Variants in KCNA2 observed in about 807,000 individuals in gnomAD.
KCNA2 encodes the protein potassium channel, voltage gated shaker related subfamily A, member 2.
A neutral mutation model predicts 33.4 loss-of-function variants in KCNA2; 11 were observed. That is an observed-to-expected ratio of 0.33 (90% CI 0.21 to 0.55). The LOEUF (loss-of-function observed/expected upper bound fraction) is 0.55, where lower values mean the gene tolerates loss of function less well. Among genes scored for constraint, KCNA2 ranks in the 20% least tolerant of loss-of-function variants. KCNA2 has a pLI of 0.93. For missense variants in KCNA2, 291 were observed against 621.6 expected (o/e 0.47, Z 5.66); for synonymous variants, 222 against 231.3 (o/e 0.96, Z 0.37).
In KCNA2 at chr1:110,596,670, GA is replaced by G; in HGVS notation, c.*6612del. The G allele has an allele frequency of 2.2e-6, 2 of 924,776 alleles. No homozygotes were observed. Among genetic ancestry groups the G allele is most frequent in the Non-Finnish European group, 2.6e-6 (2 of 774,786 alleles). The allele number at this position is 924,776 out of a possible 1,614,324, so 57.3% of individuals were successfully genotyped here. The stretch of plus-strand genomic sequence containing the variant: ...CAAACACTCTACTTAACTAAGGCAG[GA>G]AAGTTATGCTAACCTACTTAGGAAA... On this transcript the variant is annotated 3_prime_UTR_variant, in exon 3 of 3. Coordinates refer to ENST00000316361, the MANE Select transcript of KCNA2 (RefSeq NM_004974.4).
rs1570745513 is a variant in KCNA2, at chr1:110,596,316, G to T, written c.*6967C>A. 1 of 612,354 alleles carries T rather than the reference G, an allele frequency of 1.6e-6. No individual in the cohort carries two copies. Among genetic ancestry groups the T allele is most frequent in the Non-Finnish European group, 2.0e-6 (1 of 491,212 alleles). The allele number at this position is 612,354 out of a possible 1,614,324, so 37.9% of individuals were successfully genotyped here. On this transcript the variant is annotated 3_prime_UTR_variant, in exon 3 of 3. Transcript: ENST00000316361. Reference sequence around the variant, plus strand: ...TGTATAATTCTATAATTTAAAAATAGTATACATATATACATATACTATATA... The same window carrying T: ...TGTATAATTCTATAATTTAAAAATATTATACATATATACATATACTATATA...
rs1570748793 is a variant in KCNA2 at position 110,599,605 on chromosome 1, T to C, written c.*3678A>G. The C allele has an allele frequency of 3.0e-6, 3 of 985,460 alleles. No homozygotes were observed. The highest frequency in any genetic ancestry group is 4.7e-5 in the South Asian group (1 of 21,292). 61.0% of individuals were successfully genotyped at this position (985,460 alleles called of 1,614,324 possible). On this transcript the variant is annotated 3_prime_UTR_variant, in exon 3 of 3. Coordinates refer to ENST00000316361, the MANE Select transcript of KCNA2 (RefSeq NM_004974.4). ...GCTCATTTTAAGAGACAGGTCTCTA[T>C]AGGGTCTCAACTTCCTGACCGTGCC...
upstream of KCNA2, chr1:110,606,607 T>A (rs1649640528): frequency 6.6e-6 from 1 of 152,314 alleles, no homozygotes; most frequent in African/African-American, 2.4e-5. Flanking sequence ...CTTAACCCCC[T>A]CCTGCCCGCG....
intron 1 of KCNA2, among the ~76,000 whole-genome samples, chr1:110,629,314 T>C (rs1650485878): frequency 6.6e-6 from 1 of 152,170 alleles, no homozygotes; most frequent in Admixed American, 6.5e-5. Context: ...CCAATGGATA[T>C]GAAAGTTTGG....
chr1:110,609,728 A>T (rs1312661686), upstream of KCNA2, among the ~76,000 whole-genome samples: 2 of 152,218 alleles, frequency 1.3e-5, no homozygotes, highest in Non-Finnish European at 2.9e-5. Context: ...GAAGGGGGAA[A>T]AAAAAGAACC....
chr1:110,600,513 T>C lies in KCNA2; in HGVS notation c.*2770A>G. The C allele has an allele frequency of 1.0e-6, 1 of 985,312 alleles. No individual in the cohort carries two copies. Among genetic ancestry groups the C allele is most frequent in the Non-Finnish European group, 1.2e-6 (1 of 829,876 alleles). 61.0% of individuals were successfully genotyped at this position (985,312 alleles called of 1,614,324 possible). On this transcript the variant is annotated 3_prime_UTR_variant, in exon 3 of 3. Transcript: ENST00000316361. The stretch of plus-strand genomic sequence containing the variant: ...ATAACCATATATCTTCTGTGTTTGC[T>C]TTTATGTTAACCTGGTCTGTCTGTA...
intron 1 of KCNA2, among the ~76,000 whole-genome samples, chr1:110,614,525 G>A (rs1025905036): frequency 6.6e-6 from 1 of 152,194 alleles, no homozygotes; most frequent in Non-Finnish European, 1.5e-5. Flanking sequence ...AGAAAAACAA[G>A]AAGCAAGTTG....
upstream of KCNA2, among the ~76,000 whole-genome samples, chr1:110,610,795 T>C (rs1649838013): frequency 6.6e-6 from 1 of 152,078 alleles, no homozygotes; most frequent in South Asian, 2.1e-4. Context: ...GTGCTGGTGA[T>C]TAACTGTTCA....
intron 1 of KCNA2, among the ~76,000 whole-genome samples, chr1:110,628,441 G>A (rs765941038): frequency 6.6e-6 from 1 of 152,120 alleles, no homozygotes; most frequent in Non-Finnish European, 1.5e-5. Context: ...ACCATCCTCC[G>A]TATTCCACTG....
rs1012822737 is a variant in KCNA2, at chr1:110,598,395, G to C, written c.*4888C>G. ...GCACACTGTTCTATAGTTTCCTTAG[G>C]GGGGAGTCAGCCTCTGTGACTCTAC... is the stretch of plus-strand genomic sequence containing the variant. On this transcript the variant is annotated 3_prime_UTR_variant, in exon 3 of 3. Transcript: ENST00000316361. The C allele has an allele frequency of 1.0e-4, 103 of 985,222 alleles. No homozygotes were observed. Among genetic ancestry groups the C allele is most frequent in the Non-Finnish European group, 1.1e-4 (93 of 829,932 alleles). The allele number at this position is 985,222 out of a possible 1,614,324, so 61.0% of individuals were successfully genotyped here. A position where few individuals can be genotyped will look rare whatever the true frequency, so the allele number is the denominator to read the frequency against.
In KCNA2 at chr1:110,604,548, C is replaced by T. The variant is rs747844549; in HGVS notation, c.235G>A (p.Asp79Asn). 3 of 1,614,142 alleles carry T rather than the reference C, an allele frequency of 1.9e-6. No individual in the cohort carries two copies. Among genetic ancestry groups the T allele is most frequent in the African/African-American group, 2.7e-5 (2 of 75,046 alleles). The change falls in exon 3 of 3, where the codon GAT (aspartate) becomes AAT (asparagine). Residue 79 changes from aspartate to asparagine, a missense_variant. Physicochemically the swap from Asp to Asn is conservative, Grantham distance 23. Coordinates refer to ENST00000316361, the MANE Select transcript of KCNA2 (RefSeq NM_004974.4). This position sits in a 1 kb window ranked among gnomAD's most constrained non-coding sequence, Gnocchi z 7.6. ...GCATCAAAGCTAGGGCGGTTCCGAT[C>T]GAAAAAGTACTCATTTCGGAGGGGG... ...FDPLRNEYFF[D>N]RNRPSFDAIL...
Position 110,595,841 on chromosome 1 carries a change from T to G in KCNA2, c.*7442A>C. On this transcript the variant is annotated 3_prime_UTR_variant, in exon 3 of 3. Transcript: ENST00000316361. ...TGTGCTTTAGTTCTTCATTGGAATG[T>G]TACTTTCAGATCTCACAAACCTCAA... 3 of 985,442 alleles carry G rather than the reference T, an allele frequency of 3.0e-6. No individual in the cohort carries two copies. Among genetic ancestry groups the G allele is most frequent in the Non-Finnish European group, 3.6e-6 (3 of 829,934 alleles). 61.0% of individuals were successfully genotyped at this position (985,442 alleles called of 1,614,324 possible).
chr1:110,610,337 C>T (rs1212874530), upstream of KCNA2, among the ~76,000 whole-genome samples: 1 of 152,216 alleles, frequency 6.6e-6, no homozygotes, highest in Admixed American at 6.5e-5. Context: ...TCAGGTGTCA[C>T]TCCCAGGGAA....
In KCNA2 at chr1:110,603,855, G is replaced by A. The variant is rs1342073847; in HGVS notation, c.928C>T (p.His310Tyr). 6.2e-7 allele frequency: 1 copy of A among 1,614,082 alleles called. No individual in the cohort carries two copies. ...RVFRIFKLSR[H>Y]SKGLQILGQT... is the part of the protein sequence containing the mutation. Reference sequence around the variant, plus strand: ...CCTAGAATCTGGAGACCTTTGGAGTGTCTGGACAACTTGAAAATCCTAAAG... The same window carrying A: ...CCTAGAATCTGGAGACCTTTGGAGTATCTGGACAACTTGAAAATCCTAAAG... The change falls in exon 3 of 3, where the codon CAC (histidine) becomes TAC (tyrosine). Residue 310 changes from histidine (H) to tyrosine (Y), a missense_variant. This residue lies in a region of KCNA2 where 43 missense variants were observed against 159.4 expected (regional missense o/e 0.27). Transcript: ENST00000316361. This position sits in a 1 kb window ranked among gnomAD's most constrained non-coding sequence, Gnocchi z 5.7.
rs893125828 is a variant in KCNA2, at chr1:110,600,454, A to C, written c.*2829T>G. Reference sequence around the variant, plus strand: ...TTTGTGTATGTTCTGTGTAAATTCTATATCTGTGCAGAGTGTGCATTTTAT... The same window carrying C: ...TTTGTGTATGTTCTGTGTAAATTCTCTATCTGTGCAGAGTGTGCATTTTAT... On this transcript the variant is annotated 3_prime_UTR_variant, in exon 3 of 3. Coordinates refer to ENST00000316361, the MANE Select transcript of KCNA2 (RefSeq NM_004974.4). 1 of 984,852 alleles carries C rather than the reference A, an allele frequency of 1.0e-6. No individual in the cohort carries two copies. The highest frequency in any genetic ancestry group is 1.2e-6 in the Non-Finnish European group (1 of 829,808). 61.0% of individuals were successfully genotyped at this position (984,852 alleles called of 1,614,324 possible). A position where few individuals can be genotyped will look rare whatever the true frequency, so the allele number is the denominator to read the frequency against.
At position 110,595,337 on chromosome 1, in the gene KCNA2, A is replaced by C. The variant is rs150332505; in HGVS notation, c.*7946T>G. ...TTCCATGCTGAGGTTCATGAAGTAC[A>C]AGAAGTAGCCATCCAGACAGGCCAC... On this transcript the variant is annotated 3_prime_UTR_variant, in exon 3 of 3. Coordinates refer to ENST00000316361, the MANE Select transcript of KCNA2 (RefSeq NM_004974.4). The C allele has an allele frequency of 1.7e-3, 1,690 of 985,430 alleles. 47 individuals carry two copies. The Admixed American group carries it at 0.035, about 20-fold the overall frequency. 61.0% of individuals were successfully genotyped at this position (985,430 alleles called of 1,614,324 possible). A position where few individuals can be genotyped will look rare whatever the true frequency, so the allele number is the denominator to read the frequency against.
chr1:110,609,888 G>C (rs941295293), upstream of KCNA2, among the ~76,000 whole-genome samples: 7 of 152,196 alleles, frequency 4.6e-5, no homozygotes, highest in African/African-American at 1.7e-4. Flanking sequence ...GCAAGTTACT[G>C]ACACTCTCTG....
chr1:110,610,011 C>A (rs1275484154), upstream of KCNA2, among the ~76,000 whole-genome samples: 1 of 152,194 alleles, frequency 6.6e-6, no homozygotes, highest in African/African-American at 2.4e-5. Context: ...CTTAACTGAG[C>A]CCCCTTTCCA....
chr1:110,629,764 AATG>A (rs1475500982), intron 1 of KCNA2, among the ~76,000 whole-genome samples: 1 of 152,206 alleles, frequency 6.6e-6, no homozygotes, highest in Admixed American at 6.5e-5. Flanking sequence ...TCATTCAACA[AATG>A]ATGATAGTAA....
Sources: gnomAD v4.1 joint callset for allele counts (sites outside exome capture counted in the v4.1 genomes callset) on GRCh38, gnomAD v4.1.1 for gene constraint, gnomAD v4.1.1 regional missense constraint, Gnocchi (gnomAD v3.1) non-coding constraint, MANE v1.5 for transcripts, NCBI Gene and HGNC (gene_info 2026-07-23, HGNC 2026-07-21) for gene names.